KDM5A: variants seen among roughly 807,000 people sequenced by gnomAD.
The protein encoded by KDM5A is lysine-specific demethylase 5A.
Under a neutral mutation model 193.5 loss-of-function variants are expected in KDM5A, and 42 were observed. The observed-to-expected ratio is 0.22, with a 90% CI of 0.17 to 0.28. KDM5A has a LOEUF of 0.28. KDM5A is among the 10% of genes least tolerant of loss of function. The pLI is 1.00. For synonymous variants in KDM5A, 796 were observed against 718.1 expected (o/e 1.11, Z -1.73); for missense variants, 1,692 against 2,055.1 (o/e 0.82, Z 3.42).
At chr12:300,835 TGATAAAGGGGGTATCA>T (rs1943432646) in intron 24 of KDM5A, among the ~76,000 whole-genome samples, 1 of 152,076 alleles carries the variant, frequency 6.6e-6, no homozygotes, top group Non-Finnish European at 1.5e-5. Context: ...CAATAAAAAA[TGATAAAGGGGGTATCA>T]CCATCAATCC....
chr12:335,389 G>C (rs1268494174), intron 10 of KDM5A, among the ~76,000 whole-genome samples: 5 of 152,184 alleles, frequency 3.3e-5, no homozygotes, highest in Admixed American at 3.3e-4. Flanking sequence ...ATAATTCTAA[G>C]ACATTATTTG....
chr12:361,724 A>G (rs1470802263), intron 5 of KDM5A, among the ~76,000 whole-genome samples: 1 of 152,208 alleles, frequency 6.6e-6, no homozygotes, highest in Non-Finnish European at 1.5e-5. Flanking sequence ...GAGACCAATC[A>G]CACTAATAAA....
At chr12:378,155 A>G (rs986942064) in intron 3 of KDM5A, among the ~76,000 whole-genome samples, 11 of 152,220 alleles carry the variant, frequency 7.2e-5, no homozygotes, top group Admixed American at 7.2e-4. Flanking sequence ...ATATGAGCAT[A>G]TTACTTGGAA....
intron 3 of KDM5A, among the ~76,000 whole-genome samples, chr12:380,129 G>A (rs1002049343): frequency 5.9e-5 from 9 of 152,152 alleles, no homozygotes; most frequent in East Asian, 1.9e-4. Flanking sequence ...TTAGCCAGGC[G>A]TGGTGGTGTG....
chr12:376,116 G>C (rs1174553362), intron 3 of KDM5A, among the ~76,000 whole-genome samples: 3 of 152,234 alleles, frequency 2.0e-5, no homozygotes, highest in Admixed American at 2.0e-4. Flanking sequence ...CTGTCAGACA[G>C]GGACATTTAA....
At chr12:357,827 CAAAAAAAAAAAAA>C (rs61577928) in intron 5 of KDM5A, among the ~76,000 whole-genome samples, 46 of 29,868 alleles carry the variant, frequency 1.5e-3, no homozygotes, top group African/African-American at 7.4e-3. Flanking sequence ...GACTCAGTCT[CAAAAAAAAAAAAA>C]AAAAAAAAAA....
chr12:350,598 C>A (rs1241479579), intron 10 of KDM5A, 23 bp downstream of exon 10: 3 of 1,613,586 alleles, frequency 1.9e-6, no homozygotes, highest in Non-Finnish European at 2.5e-6. Flanking sequence ...TGGGGGTAAG[C>A]AAAAGTTTGG....
intron 14 of KDM5A, among the ~76,000 whole-genome samples, chr12:324,859 C>T (rs1482724085): frequency 2.0e-5 from 3 of 149,556 alleles, no homozygotes; most frequent in East Asian, 2.0e-4. Flanking sequence ...GGTGACAGAG[C>T]GAGACTCCAT....
At chr12:388,084 C>T in intron 1 of KDM5A, 1 of 236,138 alleles carries the variant, frequency 4.2e-6, no homozygotes, top group South Asian at 4.6e-5. Flanking sequence ...AACAAGCATC[C>T]AGTTGACCCT....
chr12:294,379 C>T (rs4980874), intron 26 of KDM5A, among the ~76,000 whole-genome samples: 51,867 of 152,034 alleles, frequency 0.34, 9,381 homozygotes, highest in East Asian at 0.58. Flanking sequence ...TTCTACAGAT[C>T]TGACACTTGA....
At chr12:311,762 G>A (rs1190066137) in intron 20 of KDM5A, among the ~76,000 whole-genome samples, 3 of 152,046 alleles carry the variant, frequency 2.0e-5, no homozygotes, top group Non-Finnish European at 2.9e-5. Flanking sequence ...GGCCAGGCGC[G>A]GTGGCTCACG....
chr12:318,496 C>A, intron 18 of KDM5A, 35 bp from the exon 19 acceptor site: 2 of 1,503,378 alleles, frequency 1.3e-6, no homozygotes, highest in Non-Finnish European at 1.9e-6. Context: ...ATCAGAAAAA[C>A]AAATTTAAAA....
intron 2 of KDM5A, 36 bp downstream of exon 2, chr12:385,861 T>G: frequency 6.5e-7 from 1 of 1,527,084 alleles, no homozygotes; most frequent in South Asian, 1.1e-5. Context: ...ATATAAAGAA[T>G]GAATCAGGAA....
intron 1 of KDM5A, chr12:388,523 G>A: frequency 2.8e-6 from 1 of 359,868 alleles, no homozygotes; most frequent in South Asian, 2.1e-5. Context: ...CCCTAGCCCT[G>A]AGATGAGGCC....
chr12:293,056 C>G lies in KDM5A; in HGVS notation c.4569G>C (p.Lys1523Asn). 6.3e-7 allele frequency: 1 copy of G among 1,586,450 alleles called. No individual in the cohort carries two copies. Among genetic ancestry groups the G allele is most frequent in the Non-Finnish European group, 8.5e-7 (1 of 1,172,772 alleles). Residue 1523 changes from lysine to asparagine, a missense_variant, in exon 27 of 28, where the codon AAG becomes AAC. This residue lies in a region of KDM5A where 965 missense variants were observed against 1,061.0 expected (regional missense o/e 0.91). Transcript: ENST00000399788. Reference protein sequence around the residue: ...VEQLFGEGKQKSKELKKMDKP... With the variant: ...VEQLFGEGKQNSKELKKMDKP... The stretch of plus-strand genomic sequence containing the variant: ...TGTCCATTTTCTTTAACTCCTTGGA[C>G]TTCTGTTTTCCTTCTCCAAAAAGTT...
At chr12:312,954 T>TTTGTATTATGA (rs1943607184) in intron 20 of KDM5A, 102 bp downstream of exon 20, 5 of 1,297,214 alleles carry the variant, frequency 3.9e-6, no homozygotes, top group Non-Finnish European at 5.6e-6. Flanking sequence ...TTAGGGATCG[T>TTTGTATTATGA]TTGTATTATG....
In KDM5A at chr12:318,221, A is replaced by T. The variant is rs370016335; in HGVS notation, c.2782T>A (p.Ser928Thr). The change falls in exon 19 of 28, where the codon TCT (serine) becomes ACT (threonine). Residue 928 changes from serine to threonine, a missense_variant. Ser to Thr is a moderately conservative substitution (Grantham distance 58). Coordinates refer to ENST00000399788, the MANE Select transcript of KDM5A (RefSeq NM_001042603.3). Reference protein sequence around the residue: ...TLDVMKKLIDSGVGLAPHHAV... With the variant: ...TLDVMKKLIDTGVGLAPHHAV... The stretch of plus-strand genomic sequence containing the variant: ...TGGTGGGGTGCCAACCCTACCCCAG[A>T]GTCTATCAGCTTCTTCATGACATCC... 4 of 1,614,136 alleles carry T rather than the reference A, an allele frequency of 2.5e-6. No homozygotes were observed. The highest frequency in any genetic ancestry group is 3.4e-6 in the Non-Finnish European group (4 of 1,180,008).
intron 22 of KDM5A, among the ~76,000 whole-genome samples, chr12:308,868 T>TA (rs1438459053): frequency 6.6e-6 from 1 of 152,220 alleles, no homozygotes; most frequent in Non-Finnish European, 1.5e-5. Flanking sequence ...CTCAGGCTCC[T>TA]AGTAATCTTA....
At chr12:384,795 C>T (rs1944619544) in intron 2 of KDM5A, among the ~76,000 whole-genome samples, 1 of 152,200 alleles carries the variant, frequency 6.6e-6, no homozygotes, top group Non-Finnish European at 1.5e-5. Flanking sequence ...TCTGTCATTT[C>T]ATCCATATGT....
Sources: gnomAD v4.1 joint callset for allele counts (sites outside exome capture counted in the v4.1 genomes callset) on GRCh38, gnomAD v4.1.1 for gene constraint, gnomAD v4.1.1 regional missense constraint, MANE v1.5 for transcripts, NCBI Gene and HGNC (gene_info 2026-07-23, HGNC 2026-07-21) for gene names.